FOCAD: variants seen among roughly 807,000 people sequenced by gnomAD.
The protein encoded by FOCAD is KIAA1797.
In FOCAD, 198 loss-of-function variants were observed where a neutral mutation model predicts 225.6. The ratio of observed to expected loss-of-function variants is 0.88; its 90% confidence interval spans 0.78 to 0.99. FOCAD has a LOEUF of 0.99. Ranked by LOEUF, FOCAD falls within the 50% of genes least tolerant of loss-of-function variation. FOCAD has a pLI of 0.00. For synonymous variants in FOCAD, 897 were observed against 755.0 expected, an observed-to-expected ratio of 1.19 and a Z score of -3.08; for missense variants, 2,713 against 2,123.6, an observed-to-expected ratio of 1.28 and a Z score of -5.46.
intron 4 of FOCAD, among the ~76,000 whole-genome samples, chr9:20,725,032 G>A (rs1312556890): frequency 6.6e-6 from 1 of 152,184 alleles, no homozygotes; most frequent in Admixed American, 6.5e-5. Context: ...AATTAGCTGG[G>A]CTTGGTGACA....
intron 5 of FOCAD, among the ~76,000 whole-genome samples, chr9:20,748,158 T>A (rs1828225669): frequency 6.6e-6 from 1 of 152,108 alleles, no homozygotes; most frequent in South Asian, 2.1e-4. Flanking sequence ...ACCTATACAA[T>A]CAAGCTGCCA....
intron 15 of FOCAD, among the ~76,000 whole-genome samples, chr9:20,859,255 G>A (rs1423802601): frequency 6.6e-6 from 1 of 151,944 alleles, no homozygotes; most frequent in Non-Finnish European, 1.5e-5. Context: ...GGTGGTGCAT[G>A]CCTGTAATTC....
chr9:20,759,888 T>C (rs1829413857), intron 6 of FOCAD, among the ~76,000 whole-genome samples: 1 of 152,206 alleles, frequency 6.6e-6, no homozygotes, highest in Admixed American at 6.5e-5. Context: ...AGTCTCTCCA[T>C]TAGAAAACTG....
chr9:20,801,402 G>A (rs34102699), intron 11 of FOCAD, among the ~76,000 whole-genome samples: 10,591 of 152,120 alleles, frequency 0.07, 512 homozygotes, highest in Non-Finnish European at 0.1. Context: ...GGCTGGTCTC[G>A]AAACCATGAT....
chr9:20,704,770 C>G (rs190821138), intron 1 of FOCAD, among the ~76,000 whole-genome samples: 2 of 152,254 alleles, frequency 1.3e-5, no homozygotes, highest in African/African-American at 4.8e-5. Context: ...TGATGGATTT[C>G]TACGCTTTCA....
intron 43 of FOCAD, among the ~76,000 whole-genome samples, chr9:20,995,071 C>T (rs1456065598): frequency 6.6e-6 from 1 of 152,044 alleles, no homozygotes; most frequent in Non-Finnish European, 1.5e-5. Context: ...AGTTTGGGGA[C>T]AGATGTTCAG....
At chr9:20,965,312 A>G (rs926309570) in intron 35 of FOCAD, among the ~76,000 whole-genome samples, 6 of 152,202 alleles carry the variant, frequency 3.9e-5, no homozygotes, top group East Asian at 1.9e-4. Flanking sequence ...TCTGACTTCA[A>G]CTGACTCACA....
At position 20,722,905 on chromosome 9, in the gene FOCAD, T is replaced by C. The variant is rs113994541; in HGVS notation, c.287+2371T>C. 2.2e-3 allele frequency among the ~76,000 whole-genome samples: 329 copies of C among 152,278 alleles called. 2 individuals carry two copies. Among genetic ancestry groups the C allele is most frequent in the African/African-American group, 7.7e-3 (318 of 41,560 alleles). ...TCTGCAAATGTAAAATGTAATTGCA[T>C]TGTGTAGTTGTACTATTTATATTCA... On this transcript the variant is annotated intron_variant, in intron 4 of 43. Coordinates refer to ENST00000338382, the MANE Select transcript of FOCAD (RefSeq NM_001375567.1).
intron 15 of FOCAD, among the ~76,000 whole-genome samples, chr9:20,852,827 G>T (rs1827805344): frequency 6.6e-6 from 1 of 151,452 alleles, no homozygotes; most frequent in Admixed American, 6.6e-5. Flanking sequence ...TATTCTTTTT[G>T]CTAGTAAATA....
rs771523549 is a variant in FOCAD at position 20,789,594 on chromosome 9, G to C, written c.1441G>C (p.Ala481Pro). The change falls in exon 11 of 44, where the codon GCA (alanine) becomes CCA (proline). Residue 481 changes from alanine to proline, a missense_variant. Ala to Pro is a conservative substitution (Grantham distance 27). Coordinates refer to ENST00000338382, the MANE Select transcript of FOCAD (RefSeq NM_001375567.1). ...ILKVTTELAQ[A>P]DSSQVPNLIP... ...CAAGGTCACTACAGAATTAGCCCAA[G>C]CAGATTCCTCCCAGGTAAAGCAAGA... The C allele has an allele frequency of 1.2e-6, 2 of 1,613,834 alleles. No homozygotes were observed. The highest frequency in any genetic ancestry group is 1.7e-6 in the Non-Finnish European group (2 of 1,179,898).
chr9:20,660,552 G>A (rs1821684774), intron 2 of FOCAD, among the ~76,000 whole-genome samples: 1 of 152,156 alleles, frequency 6.6e-6, no homozygotes, highest in African/African-American at 2.4e-5. Flanking sequence ...TATAAAATCT[G>A]AGGACATTTC....
intron 23 of FOCAD, among the ~76,000 whole-genome samples, chr9:20,915,854 A>G (rs999166776): frequency 2.0e-5 from 3 of 152,216 alleles, no homozygotes; most frequent in African/African-American, 7.2e-5. Context: ...ATGTAAGTAT[A>G]CATAGGTCAT....
At chr9:20,803,327 C>G (rs1485264116) in intron 11 of FOCAD, among the ~76,000 whole-genome samples, 2 of 152,080 alleles carry the variant, frequency 1.3e-5, no homozygotes, top group African/African-American at 4.8e-5. Context: ...CCCCATGTCT[C>G]TCTCTCCCCA....
intron 4 of FOCAD, among the ~76,000 whole-genome samples, chr9:20,727,146 G>A (rs554600116): frequency 1.2e-3 from 179 of 152,172 alleles, no homozygotes; most frequent in Non-Finnish European, 2.1e-3. Flanking sequence ...TTATTAGCTT[G>A]TTTCTAGATG....
At chr9:20,852,565 C>T (rs1827773653) in intron 15 of FOCAD, among the ~76,000 whole-genome samples, 2 of 151,692 alleles carry the variant, frequency 1.3e-5, no homozygotes, top group African/African-American at 2.4e-5. Flanking sequence ...GAAATGCATT[C>T]GTGGAATTCT....
intron 11 of FOCAD, 131 bp from the exon 12 acceptor site, chr9:20,819,665 C>T: frequency 4.4e-6 from 2 of 449,504 alleles, no homozygotes; most frequent in Non-Finnish European, 7.9e-6. Context: ...TAATAGCTAA[C>T]TGATATATTC....
intron 28 of FOCAD, among the ~76,000 whole-genome samples, chr9:20,933,978 A>C (rs1835720737): frequency 1.3e-5 from 2 of 151,644 alleles, no homozygotes. Context: ...GCATTTTTTT[A>C]TACATTTGTT....
At chr9:20,927,972 A>G (rs1002215720) in intron 26 of FOCAD, 2 of 151,616 alleles carry the variant, frequency 1.3e-5, no homozygotes, top group African/African-American at 2.4e-5. Context: ...ATGACTTACC[A>G]GATGATGTAG....
chr9:20,845,433 C>G (rs1032888712), intron 15 of FOCAD, among the ~76,000 whole-genome samples: 17 of 78,098 alleles, frequency 2.2e-4, no homozygotes, highest in Non-Finnish European at 3.8e-4. Flanking sequence ...TTTTATGCAT[C>G]TTTTCCTCGA....
Sources: gnomAD v4.1 joint callset for allele counts (sites outside exome capture counted in the v4.1 genomes callset) on GRCh38, gnomAD v4.1.1 for gene constraint, MANE v1.5 for transcripts, NCBI Gene and HGNC (gene_info 2026-07-23, HGNC 2026-07-21) for gene names.